Variants in ARHGAP24 observed in about 807,000 individuals in gnomAD.
ARHGAP24 encodes the protein Rho GTPase activating protein 24, also known as rho GTPase-activating protein 24.
ARHGAP24 carries 50 observed loss-of-function variants against 76.4 expected under a neutral mutation model. That is an observed-to-expected ratio of 0.65 (90% CI 0.52 to 0.83). The LOEUF is 0.83. ARHGAP24 is among the 40% of genes least tolerant of loss of function. ARHGAP24 has a pLI of 0.00. For missense variants in ARHGAP24, 930 were observed against 914.2 expected (o/e 1.02, Z -0.22); for synonymous variants, 345 against 323.3 (o/e 1.07, Z -0.72).
chr4:85,536,445 A>G (rs982690727), intron 1 of ARHGAP24, among the ~76,000 whole-genome samples: 6 of 152,114 alleles, frequency 3.9e-5, no homozygotes, highest in Non-Finnish European at 7.4e-5. Context: ...AATATATACT[A>G]TTTTTACTGT....
At chr4:85,482,682 C>T (rs970877414) in intron 1 of ARHGAP24, among the ~76,000 whole-genome samples, 1 of 152,166 alleles carries the variant, frequency 6.6e-6, no homozygotes, top group Non-Finnish European at 1.5e-5. Flanking sequence ...ATTAAGAATG[C>T]CATTCCTATG....
At chr4:85,759,725 G>A (rs1451056659) in intron 3 of ARHGAP24, among the ~76,000 whole-genome samples, 1 of 152,152 alleles carries the variant, frequency 6.6e-6, no homozygotes, top group Non-Finnish European at 1.5e-5. Context: ...AGTGGCAGTG[G>A]GAATGGAAAG....
At chr4:85,903,091 A>G (rs1485410723) in intron 3 of ARHGAP24, among the ~76,000 whole-genome samples, 3 of 152,224 alleles carry the variant, frequency 2.0e-5, no homozygotes, top group African/African-American at 7.2e-5. Context: ...TGGAATTGGA[A>G]AATATTTCTG....
intron 3 of ARHGAP24, among the ~76,000 whole-genome samples, chr4:85,852,844 G>A (rs1029511604): frequency 7.2e-5 from 11 of 152,180 alleles, no homozygotes; most frequent in Non-Finnish European, 1.3e-4. Context: ...TCCTCTGGAA[G>A]CATCGTCCCA....
intron 3 of ARHGAP24, among the ~76,000 whole-genome samples, chr4:85,867,768 G>C (rs796370814): frequency 4.0e-5 from 6 of 149,908 alleles, no homozygotes; most frequent in African/African-American, 1.5e-4. Flanking sequence ...TCCTTTAAAG[G>C]ACTTTTAGAT....
chr4:85,822,712 A>G (rs1295004218), intron 3 of ARHGAP24, among the ~76,000 whole-genome samples: 3 of 152,332 alleles, frequency 2.0e-5, no homozygotes, highest in East Asian at 1.9e-4. Flanking sequence ...CCCCAAGACT[A>G]TGATTATACA....
In ARHGAP24 at chr4:85,904,964, T is replaced by G. The variant is rs560843991; in HGVS notation, c.269-18684T>G. 3.3e-5 allele frequency among the ~76,000 whole-genome samples: 5 copies of G among 152,326 alleles called. No individual in the cohort carries two copies. The East Asian group carries it at 7.7e-4, about 23-fold the overall frequency. On this transcript the variant is annotated intron_variant, in intron 3 of 9. Coordinates refer to ENST00000395184, the MANE Select transcript of ARHGAP24 (RefSeq NM_001025616.3). The stretch of plus-strand genomic sequence containing the variant: ...TATAAAAAACAAATTACAAATGCGA[T>G]TGTTGCCTTTAATTGTAGAATGAAA...
chr4:85,698,638 G>C (rs577912539), intron 2 of ARHGAP24, among the ~76,000 whole-genome samples: 1 of 152,262 alleles, frequency 6.6e-6, no homozygotes, highest in South Asian at 2.1e-4. Flanking sequence ...TTTTCTCACA[G>C]TTCTGGAAGC....
intron 3 of ARHGAP24, among the ~76,000 whole-genome samples, chr4:85,825,745 C>A (rs958760287): frequency 6.6e-6 from 1 of 152,222 alleles, no homozygotes; most frequent in African/African-American, 2.4e-5. Flanking sequence ...CTAAAAATCT[C>A]TGGACTCTTT....
At chr4:85,791,973 T>G (rs978402529) in intron 3 of ARHGAP24, among the ~76,000 whole-genome samples, 2 of 152,166 alleles carry the variant, frequency 1.3e-5, no homozygotes, top group Admixed American at 6.5e-5. Flanking sequence ...AGTTAAATTA[T>G]GTGGTCAGGT....
chr4:85,762,279 G>T (rs1726760754), intron 3 of ARHGAP24, among the ~76,000 whole-genome samples: 1 of 152,114 alleles, frequency 6.6e-6, no homozygotes, highest in Non-Finnish European at 1.5e-5. Context: ...CCTGTAGCAT[G>T]CTACATCATT....
chr4:85,702,415 C>T (rs921404476), intron 2 of ARHGAP24, among the ~76,000 whole-genome samples: 1 of 152,120 alleles, frequency 6.6e-6, no homozygotes, highest in Non-Finnish European at 1.5e-5. Context: ...TATTTATTAG[C>T]AGCATAGCAA....
intron 3 of ARHGAP24, among the ~76,000 whole-genome samples, chr4:85,885,258 G>A (rs1256899422): frequency 6.6e-6 from 1 of 152,060 alleles, no homozygotes; most frequent in East Asian, 1.9e-4. Flanking sequence ...AACTCCCCTA[G>A]CCTTTTAGTT....
At chr4:85,863,913 T>A (rs1178344083) in intron 3 of ARHGAP24, among the ~76,000 whole-genome samples, 2 of 152,048 alleles carry the variant, frequency 1.3e-5, no homozygotes, top group Non-Finnish European at 2.9e-5. Context: ...TAGTGGCAAA[T>A]GCCCCAAGTT....
chr4:85,912,137 A>G (rs1167731367), intron 3 of ARHGAP24, among the ~76,000 whole-genome samples: 1 of 152,234 alleles, frequency 6.6e-6, no homozygotes, highest in African/African-American at 2.4e-5. Flanking sequence ...AAATATGTTT[A>G]TATCAAATGA....
chr4:85,619,683 A>G (rs1338842964), intron 2 of ARHGAP24, among the ~76,000 whole-genome samples: 5 of 151,926 alleles, frequency 3.3e-5, no homozygotes, highest in African/African-American at 1.2e-4. Context: ...CTCCTTGGTT[A>G]AATTTATTCC....
chr4:85,840,549 G>A (rs1333231005), intron 3 of ARHGAP24, among the ~76,000 whole-genome samples: 1 of 152,132 alleles, frequency 6.6e-6, no homozygotes, highest in Non-Finnish European at 1.5e-5. Flanking sequence ...CATATAATTT[G>A]TCTGTCCCTC....
intron 3 of ARHGAP24, among the ~76,000 whole-genome samples, chr4:85,835,866 A>T (rs1470123117): frequency 1.3e-5 from 2 of 151,892 alleles, no homozygotes; most frequent in African/African-American, 4.8e-5. Context: ...TTGTAGTTTT[A>T]GTGGAGACAG....
chr4:85,751,584 A>G (rs1159691897), intron 3 of ARHGAP24, among the ~76,000 whole-genome samples: 1 of 152,218 alleles, frequency 6.6e-6, no homozygotes, highest in African/African-American at 2.4e-5. Flanking sequence ...TTAATTTCTA[A>G]CAGCTGTTGA....
Sources: gnomAD v4.1 joint callset for allele counts (sites outside exome capture counted in the v4.1 genomes callset) on GRCh38, gnomAD v4.1.1 for gene constraint, MANE v1.5 for transcripts, NCBI Gene and HGNC (gene_info 2026-07-23, HGNC 2026-07-21) for gene names.